TNR: variants seen among roughly 807,000 people sequenced by gnomAD.
The protein encoded by TNR is tenascin-R.
TNR carries 45 observed loss-of-function variants against 150.4 expected under a neutral mutation model. The observed-to-expected ratio is 0.30, with a 90% CI of 0.24 to 0.38. TNR has a LOEUF of 0.38. Among genes scored for constraint, TNR ranks in the 10% least tolerant of loss-of-function variants. The pLI, the probability that TNR is intolerant of heterozygous loss-of-function variation, is 1.00. For missense variants in TNR, 1,544 were observed against 1,759.1 expected (o/e 0.88, Z 2.19); for synonymous variants, 687 against 678.4 (o/e 1.01, Z -0.20).
chr1:175,682,955 T>C (rs535762108), intron 1 of TNR, among the ~76,000 whole-genome samples: 1 of 152,244 alleles, frequency 6.6e-6, no homozygotes, highest in South Asian at 2.1e-4. Flanking sequence ...CACAAAATAG[T>C]GGGGCCGCCA....
At chr1:175,582,214 G>A (rs1366257961) in intron 1 of TNR, among the ~76,000 whole-genome samples, 1 of 152,128 alleles carries the variant, frequency 6.6e-6, no homozygotes, top group Non-Finnish European at 1.5e-5. Context: ...TTGCCCCAGG[G>A]CACCATAGAA....
rs772793640 is a variant in TNR, at chr1:175,335,701, G to A, written c.3631+10C>T. The A allele has an allele frequency of 2.5e-6, 4 of 1,609,170 alleles. No individual in the cohort carries two copies. In the South Asian group the frequency reaches 3.3e-5, roughly 13 times the overall value. ...AAGCACATCAATGGAAAGCAATAAG[G>A]AGGCTTTACCCAGCCAGAACTCATC... On this transcript the variant is annotated intron_variant, in intron 20 of 22. Coordinates refer to ENST00000367674, the MANE Select transcript of TNR (RefSeq NM_003285.3).
chr1:175,721,780 G>C (rs1667309073), intron 1 of TNR, among the ~76,000 whole-genome samples: 1 of 152,036 alleles, frequency 6.6e-6, no homozygotes, highest in African/African-American at 2.4e-5. Context: ...TCTTCCCAGA[G>C]GGCGACACCT....
At chr1:175,556,449 A>G (rs1477182946) in intron 1 of TNR, 1 of 152,268 alleles carries the variant, frequency 6.6e-6, no homozygotes, top group Non-Finnish European at 1.5e-5. Context: ...AAAATACATT[A>G]TGAGAAAAAC....
chr1:175,359,133 TATC>T (rs1171880514), intron 15 of TNR, among the ~76,000 whole-genome samples: 3 of 137,036 alleles, frequency 2.2e-5, no homozygotes, highest in African/African-American at 2.8e-5. Context: ...AGTTTGGGGA[TATC>T]TTCTTTTTTT....
chr1:175,360,338 C>T (rs1449288607), intron 14 of TNR, among the ~76,000 whole-genome samples: 2 of 152,318 alleles, frequency 1.3e-5, no homozygotes, highest in East Asian at 3.9e-4. Flanking sequence ...TGCTTCACTG[C>T]TCACAAGTCT....
intron 2 of TNR, among the ~76,000 whole-genome samples, chr1:175,409,375 G>GAAGAC (rs1210482311): frequency 6.6e-6 from 1 of 152,170 alleles, no homozygotes; most frequent in Non-Finnish European, 1.5e-5. Flanking sequence ...CAACGAAAAG[G>GAAGAC]AAGACAAGTG....
At chr1:175,359,529 T>C in intron 15 of TNR, 83 bp downstream of exon 15, 2 of 1,603,954 alleles carry the variant, frequency 1.2e-6, no homozygotes, top group South Asian at 2.2e-5. Context: ...GAAAAAATGT[T>C]TTGTTTATTC....
chr1:175,513,048 C>T (rs750962296), intron 2 of TNR, among the ~76,000 whole-genome samples: 1 of 152,208 alleles, frequency 6.6e-6, no homozygotes, highest in Non-Finnish European at 1.5e-5. Flanking sequence ...GAATCTGAAT[C>T]GCCTAGGGTA....
chr1:175,569,201 TATTTA>T (rs1661765010), intron 1 of TNR, among the ~76,000 whole-genome samples: 1 of 152,172 alleles, frequency 6.6e-6, no homozygotes, highest in South Asian at 2.1e-4. Flanking sequence ...ATTTTTCTCT[TATTTA>T]ATTAGAGGCA....
At chr1:175,641,171 G>A (rs534321680) in intron 1 of TNR, among the ~76,000 whole-genome samples, 7 of 152,250 alleles carry the variant, frequency 4.6e-5, no homozygotes, top group African/African-American at 7.2e-5. Context: ...GGAAAACAAC[G>A]CATCTTAAAA....
intron 1 of TNR, among the ~76,000 whole-genome samples, chr1:175,738,821 TC>T (rs1408581491): frequency 6.6e-6 from 1 of 152,194 alleles, no homozygotes; most frequent in African/African-American, 2.4e-5. Context: ...ACAATCCCAT[TC>T]CAATTCCACC....
In TNR at chr1:175,391,312, G is replaced by C. The variant is rs1653155541; in HGVS notation, c.1483C>G (p.Pro495Ala). ...CCTGTGGAGACGCTGGCCGAGGTAGGGGGGCTGCGGGCCTGTTCTTTCAGA... is the reference window on the plus strand; with the variant it reads ...CCTGTGGAGACGCTGGCCGAGGTAGCGGGGCTGCGGGCCTGTTCTTTCAGA... ...VALKEQARSP[P>A]TSASVSTVID... Residue 495 changes from proline to alanine, a missense_variant, in exon 7 of 23, where the codon CCT becomes GCT. Pro to Ala is a conservative substitution (Grantham distance 27). This residue lies in a region of TNR where 1,254 missense variants were observed against 1,329.4 expected (regional missense o/e 0.94). Transcript: ENST00000367674. The C allele has an allele frequency of 1.9e-6, 3 of 1,614,042 alleles. No individual in the cohort carries two copies. The highest frequency in any genetic ancestry group is 2.2e-5 in the East Asian group (1 of 44,880).
intron 2 of TNR, among the ~76,000 whole-genome samples, chr1:175,491,980 T>G (rs1271446372): frequency 6.6e-6 from 1 of 151,964 alleles, no homozygotes; most frequent in Non-Finnish European, 1.5e-5. Flanking sequence ...AACTTTTTCA[T>G]AGTTGGTTCC....
chr1:175,718,194 TATC>T (rs1667204874), intron 1 of TNR, among the ~76,000 whole-genome samples: 1 of 152,084 alleles, frequency 6.6e-6, no homozygotes, highest in Non-Finnish European at 1.5e-5. Flanking sequence ...TGAAACAAAA[TATC>T]ATGTAGAGCC....
intron 21 of TNR, among the ~76,000 whole-genome samples, chr1:175,326,609 A>G (rs2101980546): frequency 6.6e-6 from 1 of 152,174 alleles, no homozygotes; most frequent in African/African-American, 2.4e-5. Context: ...ACTCTTTCCC[A>G]TCTCTTCCAG....
In TNR at chr1:175,372,769, G is replaced by A. The variant is rs540713745; in HGVS notation, c.1964-5472C>T. 9.9e-5 allele frequency among the ~76,000 whole-genome samples: 15 copies of A among 152,272 alleles called. No homozygotes were observed. In the South Asian group the frequency reaches 3.1e-3, roughly 32 times the overall value. ...TCTGCAGACTTGGTTGGGATCAAGTGGACATGAGGAAATATGGACCTTTCC... is the reference window on the plus strand; with the variant it reads ...TCTGCAGACTTGGTTGGGATCAAGTAGACATGAGGAAATATGGACCTTTCC... On this transcript the variant is annotated intron_variant, in intron 9 of 22. Transcript: ENST00000367674.
At chr1:175,437,498 G>A (rs1655563555) in intron 2 of TNR, among the ~76,000 whole-genome samples, 1 of 152,162 alleles carries the variant, frequency 6.6e-6, no homozygotes, top group Non-Finnish European at 1.5e-5. Flanking sequence ...ACATTCAAAA[G>A]CTAGCAGAAG....
rs1435501811 is a variant in TNR at position 175,554,335 on chromosome 1, A to G, written c.-164-25966T>C. Among the ~76,000 whole-genome samples the G allele has an allele frequency of 3.4e-5, 3 of 86,986 alleles. 1 individual carries two copies. Among genetic ancestry groups the G allele is most frequent in the Admixed American group, 2.8e-4 (2 of 7,202 alleles). 57.1% of individuals were successfully genotyped at this position (86,986 alleles called of 152,430 possible). On this transcript the variant is annotated intron_variant, in intron 1 of 22. Transcript: ENST00000367674. ...AGGGATTAACAAAAAGATGTCCTACATGGCAAAAAAAAAAAAAAAAAAAAG... is the reference window on the plus strand; with the variant it reads ...AGGGATTAACAAAAAGATGTCCTACGTGGCAAAAAAAAAAAAAAAAAAAAG...
Sources: gnomAD v4.1 joint callset for allele counts (sites outside exome capture counted in the v4.1 genomes callset) on GRCh38, gnomAD v4.1.1 for gene constraint, gnomAD v4.1.1 regional missense constraint, MANE v1.5 for transcripts, NCBI Gene and HGNC (gene_info 2026-07-23, HGNC 2026-07-21) for gene names.